MYZAP: variants seen among roughly 807,000 people sequenced by gnomAD.
MYZAP encodes myocardial zonula adherens protein.
In MYZAP, 66 loss-of-function variants were observed where a neutral mutation model predicts 69.4. The ratio of observed to expected loss-of-function variants is 0.95; its 90% confidence interval spans 0.78 to 1.17. The LOEUF is 1.17. MYZAP is among the 50% of genes most tolerant of loss of function. MYZAP has a pLI of 0.00. For synonymous variants in MYZAP, 256 were observed against 205.9 expected, an observed-to-expected ratio of 1.24 and a Z score of -2.09; for missense variants, 611 against 556.2, an observed-to-expected ratio of 1.10 and a Z score of -0.99.
At chr15:57,606,060 G>A (rs1424305781) in intron 2 of MYZAP, among the ~76,000 whole-genome samples, 2 of 152,114 alleles carry the variant, frequency 1.3e-5, no homozygotes, top group Non-Finnish European at 2.9e-5. Context: ...GAAAATCTTT[G>A]TTTTGTAACC....
chr15:57,647,992 C>T (rs2037531445), intron 10 of MYZAP: 1 of 985,396 alleles, frequency 1.0e-6, no homozygotes, highest in African/African-American at 1.7e-5. Flanking sequence ...AAGGCTACAG[C>T]TCTGTCTCGT....
chr15:57,624,870 C>T (rs1486738251), intron 4 of MYZAP, among the ~76,000 whole-genome samples: 1 of 152,182 alleles, frequency 6.6e-6, no homozygotes, highest in East Asian at 1.9e-4. Flanking sequence ...AGTGCACCTC[C>T]TGCTCTGCTG....
intron 10 of MYZAP, among the ~76,000 whole-genome samples, chr15:57,661,229 C>T (rs929525442): frequency 2.6e-5 from 4 of 152,144 alleles, no homozygotes; most frequent in African/African-American, 7.2e-5. Flanking sequence ...TCACACAATC[C>T]GCCTGTCTTG....
chr15:57,666,825 T>A (rs6493940), intron 11 of MYZAP, among the ~76,000 whole-genome samples: 1 of 152,058 alleles, frequency 6.6e-6, no homozygotes, highest in African/African-American at 2.4e-5. Context: ...CTAAAATAAA[T>A]GTGAAAAAGA....
chr15:57,600,367 CA>C, intron 1 of MYZAP, among the ~76,000 whole-genome samples: 1 of 152,278 alleles, frequency 6.6e-6, no homozygotes, highest in East Asian at 1.9e-4. Flanking sequence ...CTGCAACTGC[CA>C]AATGTCTTTG....
At chr15:57,598,932 C>T (rs1029883392) in intron 1 of MYZAP, among the ~76,000 whole-genome samples, 3 of 152,122 alleles carry the variant, frequency 2.0e-5, no homozygotes, top group Non-Finnish European at 4.4e-5. Context: ...AATTGTATCC[C>T]GAGGGTCCTT....
chr15:57,670,848 C>A (rs2038835074), intron 11 of MYZAP, among the ~76,000 whole-genome samples: 1 of 151,924 alleles, frequency 6.6e-6, no homozygotes, highest in Non-Finnish European at 1.5e-5. Flanking sequence ...TAATATTGTA[C>A]CATTTCTTTT....
chr15:57,674,117 A>G (rs2039003580), intron 11 of MYZAP, among the ~76,000 whole-genome samples: 1 of 152,020 alleles, frequency 6.6e-6, no homozygotes, highest in Non-Finnish European at 1.5e-5. Flanking sequence ...AGACATAACC[A>G]CTGTTCACTT....
intron 12 of MYZAP, among the ~76,000 whole-genome samples, chr15:57,676,903 T>C (rs1288025837): frequency 2.0e-5 from 3 of 152,154 alleles, no homozygotes; most frequent in Admixed American, 6.5e-5. Context: ...TTTCCATAAA[T>C]GTAACATTTG....
chr15:57,639,558 A>C lies in MYZAP; in HGVS notation c.1119+13A>C, dbSNP rs763880046. On this transcript the variant is annotated intron_variant, in intron 10 of 12. Transcript: ENST00000267853. ...GATGGTCGAGGAGGTAAGCATCTGCAAAAGGTCACAGGCCTGGGATTGCTT... is the reference window on the plus strand; with the variant it reads ...GATGGTCGAGGAGGTAAGCATCTGCCAAAGGTCACAGGCCTGGGATTGCTT... 2 of 1,611,604 alleles carry C rather than the reference A, an allele frequency of 1.2e-6. No homozygotes were observed. Among genetic ancestry groups the C allele is most frequent in the Non-Finnish European group, 1.7e-6 (2 of 1,178,908 alleles).
intron 1 of MYZAP, among the ~76,000 whole-genome samples, chr15:57,600,616 A>T (rs140736365): frequency 6.6e-6 from 1 of 152,280 alleles, no homozygotes; most frequent in Non-Finnish European, 1.5e-5. Context: ...GAAAATTATG[A>T]CCATTAAGGA....
intron 12 of MYZAP, among the ~76,000 whole-genome samples, chr15:57,681,309 CACTT>C (rs1185385056): frequency 6.6e-6 from 1 of 152,188 alleles, no homozygotes; most frequent in Non-Finnish European, 1.5e-5. Context: ...ACACTGGGAC[CACTT>C]ACTTCTTGAA....
chr15:57,663,757 A>G (rs888084397), intron 11 of MYZAP, among the ~76,000 whole-genome samples: 1 of 152,292 alleles, frequency 6.6e-6, no homozygotes, highest in Middle Eastern at 3.4e-3. Context: ...TGCCCAGAGG[A>G]TGTAGCGGGG....
chr15:57,623,015 A>G (rs1249792729), intron 4 of MYZAP, among the ~76,000 whole-genome samples: 2 of 152,238 alleles, frequency 1.3e-5, no homozygotes, highest in Non-Finnish European at 2.9e-5. Flanking sequence ...ACTCATAAAA[A>G]TAGGTGAAAG....
intron 12 of MYZAP, among the ~76,000 whole-genome samples, chr15:57,682,249 C>A (rs145178301): frequency 1.3e-5 from 2 of 151,988 alleles, no homozygotes; most frequent in South Asian, 4.2e-4. Context: ...AGAGAGAGAG[C>A]GTGGGGGATT....
chr15:57,622,897 T>C (rs572826139), intron 4 of MYZAP, among the ~76,000 whole-genome samples: 1 of 152,306 alleles, frequency 6.6e-6, no homozygotes, highest in South Asian at 2.1e-4. Flanking sequence ...GGTAAAAATG[T>C]CAAAGTCAAA....
At chr15:57,682,247 A>G (rs2039482432) in intron 12 of MYZAP, among the ~76,000 whole-genome samples, 1 of 152,078 alleles carries the variant, frequency 6.6e-6, no homozygotes, top group Non-Finnish European at 1.5e-5. Context: ...AGAGAGAGAG[A>G]GCGTGGGGGA....
chr15:57,632,598 A>G (rs141508997), intron 7 of MYZAP, 39 bp downstream of exon 7: 204 of 1,610,874 alleles, frequency 1.3e-4, no homozygotes, highest in African/African-American at 8.8e-4. Flanking sequence ...CTTACCGGGA[A>G]TTGTTGGTTC....
chr15:57,650,025 T>C (rs28540249), intron 10 of MYZAP, among the ~76,000 whole-genome samples: 8,680 of 152,296 alleles, frequency 0.057, 763 homozygotes, highest in African/African-American at 0.19. Context: ...CACTGGCAAA[T>C]GATAGTTGCT....
Sources: gnomAD v4.1 joint callset for allele counts (sites outside exome capture counted in the v4.1 genomes callset) on GRCh38, gnomAD v4.1.1 for gene constraint, MANE v1.5 for transcripts, NCBI Gene and HGNC (gene_info 2026-07-23, HGNC 2026-07-21) for gene names.